KCNQ3: variants seen among roughly 807,000 people sequenced by gnomAD.
KCNQ3 encodes the protein potassium voltage-gated channel subfamily Q member 3, also known as potassium voltage-gated channel subfamily KQT member 3.
Under a neutral mutation model 92.5 loss-of-function variants are expected in KCNQ3, and 30 were observed. That is an observed-to-expected ratio of 0.32 (90% CI 0.24 to 0.44). The LOEUF (loss-of-function observed/expected upper bound fraction) is 0.44, where lower values mean the gene tolerates loss of function less well. Among genes scored for constraint, KCNQ3 ranks in the 20% least tolerant of loss-of-function variants. The pLI, the probability that KCNQ3 is intolerant of heterozygous loss-of-function variation, is 1.00. For missense variants in KCNQ3, 913 were observed against 1,140.3 expected (o/e 0.80, Z 2.87); for synonymous variants, 450 against 468.8 (o/e 0.96, Z 0.52).
intron 1 of KCNQ3, among the ~76,000 whole-genome samples, chr8:132,383,639 G>A (rs1312361018): frequency 1.3e-5 from 2 of 152,184 alleles, no homozygotes; most frequent in African/African-American, 4.8e-5. Context: ...GACTGTGCTT[G>A]TTCATCTCTA....
rs576715240 is a variant in KCNQ3, at chr8:132,335,829, C to T, written c.386+144318G>A. On this transcript the variant is annotated intron_variant, in intron 1 of 14. Coordinates refer to ENST00000388996, the MANE Select transcript of KCNQ3 (RefSeq NM_004519.4). ...TCTACTTCCTCCTTGTTCTGTGTCA[C>T]CTCTTTTTGTAGGTTCCTTTTTCCT... Among the ~76,000 whole-genome samples the T allele has an allele frequency of 8.7e-4, 132 of 152,188 alleles. 1 individual carries two copies. The highest frequency in any genetic ancestry group is 8.6e-3 in the Admixed American group (131 of 15,296).
rs1826478224 is a variant in KCNQ3 at position 132,174,349 on chromosome 8, T to C, written c.934A>G (p.Ile312Val). 1.3e-6 allele frequency: 2 copies of C among 1,550,168 alleles called. No homozygotes were observed. Among genetic ancestry groups the C allele is most frequent in the Admixed American group, 3.9e-5 (2 of 51,030 alleles). ...CCATAGCCAATGGTGGCCAGTGTGA[T>C]CTGAAGAGAGAAGAGTTCAGACATG... ...TYADALWWGL[I>V]TLATIGYGDK... The change falls in exon 6 of 15, where the codon ATC becomes GTC. Residue 312 changes from isoleucine to valine, a missense_variant and splice_region_variant. Ile to Val is a conservative substitution (Grantham distance 29). Around this residue, in one of 6 missense-constraint regions of KCNQ3, gnomAD observed 52 missense variants for 127.7 expected, o/e 0.41. Transcript: ENST00000388996.
chr8:132,260,269 A>C (rs1815736538), intron 1 of KCNQ3, among the ~76,000 whole-genome samples: 1 of 152,180 alleles, frequency 6.6e-6, no homozygotes, highest in Admixed American at 6.5e-5. Flanking sequence ...CTTCTATCTA[A>C]GCTTTCGGGC....
rs749906898 is a variant in KCNQ3, at chr8:132,129,355, C to T, written c.2526G>A (p.Thr842=). 6.2e-6 allele frequency: 10 copies of T among 1,614,236 alleles called. No individual in the cohort carries two copies. The highest frequency in any genetic ancestry group is 1.6e-4 in the Middle Eastern group (1 of 6,062). The change falls in exon 15 of 15, where the codon ACG becomes ACA. Residue 842 remains threonine (T), a synonymous_variant. Transcript: ENST00000388996. The surrounding 1 kb of genome is among the most constrained non-coding windows in gnomAD (Gnocchi z 5.9). ...YLAEGETDTD[T]DPFTPSGSMP... is the part of the protein sequence containing the mutation. Reference sequence around the variant, plus strand: ...TGGAGCCGCTGGGCGTGAAGGGGTCCGTGTCTGTGTCCGTCTCACCCTCGG... The same window carrying T: ...TGGAGCCGCTGGGCGTGAAGGGGTCTGTGTCTGTGTCCGTCTCACCCTCGG...
chr8:132,397,933 A>G (rs1297352143), intron 1 of KCNQ3, among the ~76,000 whole-genome samples: 2 of 152,214 alleles, frequency 1.3e-5, no homozygotes, highest in African/African-American at 2.4e-5. Context: ...TTTTTTAAGG[A>G]AAAGCATATC....
intron 1 of KCNQ3, among the ~76,000 whole-genome samples, chr8:132,425,472 G>T (rs771754907): frequency 2.0e-5 from 3 of 152,172 alleles, no homozygotes; most frequent in Admixed American, 2.0e-4. Context: ...TATGGGAAAT[G>T]CCTAGCACAG....
intron 6 of KCNQ3, among the ~76,000 whole-genome samples, chr8:132,173,357 C>A (rs760272132): frequency 6.6e-6 from 1 of 152,018 alleles, no homozygotes. Flanking sequence ...AGGAAAAAAA[C>A]CGACAAGGTA....
At chr8:132,137,818 C>A in intron 12 of KCNQ3, 67 bp downstream of exon 12, 1 of 1,552,912 alleles carries the variant, frequency 6.4e-7, no homozygotes, top group South Asian at 1.1e-5. Flanking sequence ...GAATACCTCT[C>A]ACCTTAAACT....
At chr8:132,133,866 A>AG (rs1824970276) in intron 13 of KCNQ3, among the ~76,000 whole-genome samples, 1 of 152,200 alleles carries the variant, frequency 6.6e-6, no homozygotes, top group Admixed American at 6.5e-5. Flanking sequence ...CAATGTTGTC[A>AG]GGGGGCTGAT....
intron 1 of KCNQ3, among the ~76,000 whole-genome samples, chr8:132,306,804 A>G (rs1817438529): frequency 6.6e-6 from 1 of 152,188 alleles, no homozygotes; most frequent in African/African-American, 2.4e-5. Flanking sequence ...TTTCTGGGGG[A>G]AAAGTAATGG....
intron 1 of KCNQ3, among the ~76,000 whole-genome samples, chr8:132,296,596 G>A (rs1485342207): frequency 6.6e-6 from 1 of 150,710 alleles, no homozygotes; most frequent in Non-Finnish European, 1.5e-5. Flanking sequence ...GTGTCCATGT[G>A]TTCCCATTGT....
chr8:132,140,305 G>C, intron 10 of KCNQ3, 127 bp from the exon 11 acceptor site: 2 of 657,930 alleles, frequency 3.0e-6, no homozygotes, highest in Non-Finnish European at 5.4e-6. Context: ...TTTCCACGTT[G>C]CAAGACTCCA....
intron 1 of KCNQ3, among the ~76,000 whole-genome samples, chr8:132,297,799 C>T (rs1201741243): frequency 6.6e-6 from 1 of 152,154 alleles, no homozygotes; most frequent in Non-Finnish European, 1.5e-5. Flanking sequence ...CTCCCCGGCT[C>T]CTAAAGCTGC....
At chr8:132,155,341 T>C (rs1296451914) in intron 9 of KCNQ3, among the ~76,000 whole-genome samples, 7 of 152,192 alleles carry the variant, frequency 4.6e-5, no homozygotes, top group Non-Finnish European at 1.0e-4. Flanking sequence ...AGAAAAGTGT[T>C]GCAAAGCCAG....
In KCNQ3 at chr8:132,214,597, G is replaced by C. The variant is rs112122143; in HGVS notation, c.387-28416C>G. Among the ~76,000 whole-genome samples, 991 of 152,122 alleles carry C rather than the reference G, an allele frequency of 6.5e-3. 12 individuals carry two copies. The highest frequency in any genetic ancestry group is 0.023 in the African/African-American group (940 of 41,510). On this transcript the variant is annotated intron_variant, in intron 1 of 14. Transcript: ENST00000388996. ...TCCATATGCACAAATACAATTGGTA[G>C]CACTTGCAAAGCACAGATTTAGGAG...
chr8:132,358,284 C>T (rs1263825402), intron 1 of KCNQ3, among the ~76,000 whole-genome samples: 1 of 152,152 alleles, frequency 6.6e-6, no homozygotes, highest in Admixed American at 6.5e-5. Flanking sequence ...CTGAGAAGTC[C>T]TAGCACTGCC....
intron 1 of KCNQ3, among the ~76,000 whole-genome samples, chr8:132,275,747 T>G (rs942313646): frequency 1.1e-4 from 16 of 152,124 alleles, no homozygotes; most frequent in Admixed American, 1.0e-3. Flanking sequence ...CCGGCTAATT[T>G]TTTGTATTTT....
At chr8:132,421,518 A>C (rs1342820726) in intron 1 of KCNQ3, among the ~76,000 whole-genome samples, 1 of 152,044 alleles carries the variant, frequency 6.6e-6, no homozygotes, top group Non-Finnish European at 1.5e-5. Context: ...GACCAAAATG[A>C]TGCTGCCTGA....
intron 1 of KCNQ3, among the ~76,000 whole-genome samples, chr8:132,292,696 G>A (rs1816892313): frequency 6.6e-6 from 1 of 152,098 alleles, no homozygotes; most frequent in South Asian, 2.1e-4. Flanking sequence ...TATATAATTG[G>A]TTTTCATCCA....
Sources: gnomAD v4.1 joint callset for allele counts (sites outside exome capture counted in the v4.1 genomes callset) on GRCh38, gnomAD v4.1.1 for gene constraint, gnomAD v4.1.1 regional missense constraint, Gnocchi (gnomAD v3.1) non-coding constraint, MANE v1.5 for transcripts, NCBI Gene and HGNC (gene_info 2026-07-23, HGNC 2026-07-21) for gene names.